Variants in ITGA2 observed in about 807,000 individuals in gnomAD.
The protein encoded by ITGA2 is integrin alpha-2.
A neutral mutation model predicts 146.3 loss-of-function variants in ITGA2; 101 were observed. That is an observed-to-expected ratio of 0.69 (90% CI 0.59 to 0.81). ITGA2 has a LOEUF of 0.81. Ranked by LOEUF, ITGA2 falls within the 40% of genes least tolerant of loss-of-function variation. ITGA2 has a pLI of 0.00. For missense variants in ITGA2, 1,281 were observed against 1,402.7 expected (o/e 0.91, Z 1.39); for synonymous variants, 477 against 487.1 (o/e 0.98, Z 0.27).
intron 2 of ITGA2, among the ~76,000 whole-genome samples, chr5:53,041,314 C>T (rs3212433): frequency 0.37 from 56,149 of 151,942 alleles, 10,692 homozygotes; most frequent in Middle Eastern, 0.46. Flanking sequence ...TGAAACTAAC[C>T]GAAGGAAGGA....
chr5:53,013,245 C>G (rs1294220339), intron 1 of ITGA2, among the ~76,000 whole-genome samples: 2 of 151,996 alleles, frequency 1.3e-5, no homozygotes, highest in African/African-American at 2.4e-5. Flanking sequence ...GCATTTAAGT[C>G]CTTAAATCTA....
chr5:52,991,670 C>T (rs1740960906), intron 1 of ITGA2, among the ~76,000 whole-genome samples: 1 of 152,122 alleles, frequency 6.6e-6, no homozygotes, highest in Admixed American at 6.5e-5. Context: ...CTCTAGCATA[C>T]ATGCAAACCA....
At chr5:53,006,240 A>C (rs891873619) in intron 1 of ITGA2, among the ~76,000 whole-genome samples, 1 of 152,188 alleles carries the variant, frequency 6.6e-6, no homozygotes, top group African/African-American at 2.4e-5. Context: ...ACAGTTGTGA[A>C]ATTTTTTAAA....
rs1745871479 is a variant in ITGA2, at chr5:53,080,518, C to T, written c.2936C>T (p.Thr979Ile). 4 of 1,612,684 alleles carry T rather than the reference C, an allele frequency of 2.5e-6. No homozygotes were observed. Among genetic ancestry groups the T allele is most frequent in the Non-Finnish European group, 3.4e-6 (4 of 1,178,970 alleles). The change falls in exon 25 of 30, where the codon ACA becomes ATA. Residue 979 changes from threonine (T) to isoleucine (I), a missense_variant. This residue lies in a region of ITGA2 where 475 missense variants were observed against 530.5 expected (regional missense o/e 0.90). Coordinates refer to ENST00000296585, the MANE Select transcript of ITGA2 (RefSeq NM_002203.4). Reference protein sequence around the residue: ...PKFIFSLKVTTGSVPVSMATV... With the variant: ...PKFIFSLKVTIGSVPVSMATV... ...ATTTTATTCTCTACATAGGTAACAA[C>T]AGGAAGTGTTCCAGTAAGCATGGCA...
intron 4 of ITGA2, among the ~76,000 whole-genome samples, chr5:53,047,986 G>C (rs1426649242): frequency 6.6e-6 from 1 of 152,172 alleles, no homozygotes; most frequent in Non-Finnish European, 1.5e-5. Context: ...TTTTACAGAT[G>C]AATCACCTGA....
intron 27 of ITGA2, 35 bp downstream of exon 27, chr5:53,083,488 A>G (rs769213228): frequency 7.9e-7 from 1 of 1,263,138 alleles, no homozygotes; most frequent in Non-Finnish European, 1.2e-6. Context: ...ATTTATCAAT[A>G]GCAAGGAAAC....
At chr5:53,051,349 G>A in intron 6 of ITGA2, 62 bp from the exon 7 acceptor site, 22 of 1,549,792 alleles carry the variant, frequency 1.4e-5, no homozygotes, top group Non-Finnish European at 2.0e-5. Context: ...TATTTTATTG[G>A]TTAAGTAGAA....
At position 53,083,448 on chromosome 5, in the gene ITGA2, G is replaced by C. The variant is rs779251918; in HGVS notation, c.3253G>C (p.Ala1085Pro). 2.0e-6 allele frequency: 3 copies of C among 1,522,366 alleles called. No individual in the cohort carries two copies. Among genetic ancestry groups the C allele is most frequent in the East Asian group, 2.3e-5 (1 of 44,412 alleles). 94.3% of individuals were successfully genotyped at this position (1,522,366 alleles called of 1,614,324 possible). Residue 1085 changes from alanine to proline, a missense_variant, in exon 27 of 30, where the codon GCA becomes CCA. Around this residue, in one of 3 missense-constraint regions of ITGA2, gnomAD observed 475 missense variants for 530.5 expected, o/e 0.90. Coordinates refer to ENST00000296585, the MANE Select transcript of ITGA2 (RefSeq NM_002203.4). ...TACCAGAATTTGGAACGGGACTTTC[G>C]CATCAGTAAGTATCAGTTTTATTTG... ...VTTRIWNGTF[A>P]SSTFQTVQLT...
intron 2 of ITGA2, among the ~76,000 whole-genome samples, chr5:53,030,030 A>T (rs1743150130): frequency 6.6e-6 from 1 of 152,206 alleles, no homozygotes; most frequent in Non-Finnish European, 1.5e-5. Flanking sequence ...AGTAATAGAC[A>T]TTATTGAAGG....
rs182805241 is a variant in ITGA2, at chr5:53,023,320, C to A, written c.65-3428C>A. Among the ~76,000 whole-genome samples, 12 of 152,284 alleles carry A rather than the reference C, an allele frequency of 7.9e-5. No homozygotes were observed. In the East Asian group the frequency reaches 2.1e-3, roughly 27 times the overall value. On this transcript the variant is annotated intron_variant, in intron 1 of 29. Coordinates refer to ENST00000296585, the MANE Select transcript of ITGA2 (RefSeq NM_002203.4). Reference sequence around the variant, plus strand: ...ATGCCTACGTTTAACATGATGTTCCCGGTGCCTGGGATGAACTTTGCCTTC... The same window carrying A: ...ATGCCTACGTTTAACATGATGTTCCAGGTGCCTGGGATGAACTTTGCCTTC...
In ITGA2 at chr5:53,061,053, C is replaced by T; in HGVS notation, c.1458+7C>T. Reference sequence around the variant, plus strand: ...GGCTCACCGAGGTGACCAGGTAAATCTCACTGTTTAGCAGGTGAAATTAAT... The same window carrying T: ...GGCTCACCGAGGTGACCAGGTAAATTTCACTGTTTAGCAGGTGAAATTAAT... On this transcript the variant is annotated splice_region_variant and intron_variant, in intron 12 of 29. Transcript: ENST00000296585. 6.2e-7 allele frequency: 1 copy of T among 1,611,760 alleles called. No individual in the cohort carries two copies. The highest frequency in any genetic ancestry group is 8.5e-7 in the Non-Finnish European group (1 of 1,178,420).
chr5:53,004,379 T>C (rs1579783605), intron 1 of ITGA2, among the ~76,000 whole-genome samples: 1 of 152,130 alleles, frequency 6.6e-6, no homozygotes, highest in Non-Finnish European at 1.5e-5. Flanking sequence ...GGATTATAAG[T>C]GAAAAAGTAT....
intron 24 of ITGA2, among the ~76,000 whole-genome samples, chr5:53,079,186 C>T (rs1745798689): frequency 6.6e-6 from 1 of 152,102 alleles, no homozygotes; most frequent in Non-Finnish European, 1.5e-5. Flanking sequence ...GTTAAGTAAA[C>T]AACTGGGCTT....
At chr5:53,017,826 G>A (rs918711005) in intron 1 of ITGA2, among the ~76,000 whole-genome samples, 2 of 152,158 alleles carry the variant, frequency 1.3e-5, no homozygotes, top group African/African-American at 4.8e-5. Flanking sequence ...GCATGTGTGG[G>A]CCAGCAAAGC....
At chr5:53,023,080 A>G (rs1742768552) in intron 1 of ITGA2, among the ~76,000 whole-genome samples, 1 of 152,192 alleles carries the variant, frequency 6.6e-6, no homozygotes, top group South Asian at 2.1e-4. Context: ...AAATATGTTG[A>G]GTTTGCGATG....
chr5:53,055,930 A>G (rs1174945283), intron 8 of ITGA2, 54 bp from the exon 9 acceptor site: 1 of 1,522,498 alleles, frequency 6.6e-7, no homozygotes, highest in African/African-American at 1.4e-5. Flanking sequence ...GAATGTACTC[A>G]TAGGGAAAAT....
intron 13 of ITGA2, among the ~76,000 whole-genome samples, chr5:53,064,430 A>G (rs1043850644): frequency 6.6e-6 from 1 of 152,008 alleles, no homozygotes; most frequent in Non-Finnish European, 1.5e-5. Context: ...ATTCTTATTT[A>G]TAATTCTGAT....
At chr5:52,989,848 A>T (rs536569123) in intron 1 of ITGA2, among the ~76,000 whole-genome samples, 1 of 151,934 alleles carries the variant, frequency 6.6e-6, no homozygotes, top group East Asian at 2.0e-4. Context: ...ACAGACACGC[A>T]CGCACTCAAG....
At chr5:53,041,095 G>C (rs1743774267) in intron 2 of ITGA2, among the ~76,000 whole-genome samples, 1 of 146,534 alleles carries the variant, frequency 6.8e-6, no homozygotes, top group South Asian at 2.2e-4. Flanking sequence ...TAGTTTCTTT[G>C]ATATTTTAAC....
Sources: allele counts gnomAD v4.1 joint callset (sites outside exome capture counted in the v4.1 genomes callset), GRCh38; gene constraint gnomAD v4.1.1; regional missense constraint gnomAD v4.1.1; transcripts MANE v1.5; gene names NCBI Gene and HGNC (gene_info 2026-07-23, HGNC 2026-07-21).